GRXCR2: variants seen among roughly 807,000 people sequenced by gnomAD.
GRXCR2 encodes the protein glutaredoxin and cysteine rich domain containing 2.
GRXCR2 carries 23 observed loss-of-function variants against 24.8 expected under a neutral mutation model. That is an observed-to-expected ratio of 0.93 (90% confidence interval 0.67 to 1.32). GRXCR2 has a LOEUF of 1.32. GRXCR2 is among the 40% of genes most tolerant of loss of function. The pLI, the probability that GRXCR2 is intolerant of heterozygous loss-of-function variation, is 0.00. For synonymous variants in GRXCR2, 130 were observed against 116.1 expected, an observed-to-expected ratio of 1.12 and a Z score of -0.77; for missense variants, 315 against 303.4, an observed-to-expected ratio of 1.04 and a Z score of -0.28.
intron 2 of GRXCR2, among the ~76,000 whole-genome samples, chr5:145,925,098 T>C (rs1757372767): frequency 6.6e-6 from 1 of 152,198 alleles, no homozygotes; most frequent in Non-Finnish European, 1.5e-5. Context: ...GTGCTCACAA[T>C]AATCCTATGG....
At chr5:145,883,330 A>G (rs1756731328) in intron 2 of GRXCR2, among the ~76,000 whole-genome samples, 2 of 152,144 alleles carry the variant, frequency 1.3e-5, no homozygotes, top group Admixed American at 6.5e-5. Flanking sequence ...ATGAGCAAGT[A>G]CTAATTTTAA....
chr5:145,919,500 G>T (rs1757293481), intron 2 of GRXCR2, among the ~76,000 whole-genome samples: 1 of 152,176 alleles, frequency 6.6e-6, no homozygotes, highest in African/African-American at 2.4e-5. Flanking sequence ...CCAGTGCAAT[G>T]CTGAGTCCCA....
Position 145,909,189 on chromosome 5 carries a change from A to G in GRXCR2, c.-70+26512T>C, listed in dbSNP as rs1057036820. Among the ~76,000 whole-genome samples the G allele has an allele frequency of 3.3e-5, 5 of 152,222 alleles. No individual in the cohort carries two copies. The East Asian group carries it at 9.6e-4, about 29-fold the overall frequency. On this transcript the variant is annotated intron_variant, in intron 2 of 3. Coordinates refer to the GRXCR2 transcript ENST00000639411. ...ACAACTATTGGCATTTATTGCTATTATATGTAATTCATAACAGGCTATGAG... is the reference window on the plus strand; with the variant it reads ...ACAACTATTGGCATTTATTGCTATTGTATGTAATTCATAACAGGCTATGAG...
chr5:145,861,861 C>G (rs1046481059), intron 2 of GRXCR2, among the ~76,000 whole-genome samples: 73 of 152,256 alleles, frequency 4.8e-4, no homozygotes, highest in African/African-American at 1.5e-3. Flanking sequence ...ATAGCTCCAT[C>G]ATGCTGCAAA....
intron 2 of GRXCR2, among the ~76,000 whole-genome samples, chr5:145,885,888 A>G (rs963500598): frequency 6.6e-6 from 1 of 152,160 alleles, no homozygotes; most frequent in Non-Finnish European, 1.5e-5. Flanking sequence ...GGCATGTTCT[A>G]CATAAGAAAA....
At chr5:145,880,981 A>G (rs1561680960) in intron 2 of GRXCR2, among the ~76,000 whole-genome samples, 1 of 152,174 alleles carries the variant, frequency 6.6e-6, no homozygotes, top group Non-Finnish European at 1.5e-5. Context: ...ATTCAACAGC[A>G]CTTCATGCTA....
At chr5:145,875,140 T>C (rs1201411940), upstream of GRXCR2, among the ~76,000 whole-genome samples, 2 of 152,206 alleles carry the variant, frequency 1.3e-5, no homozygotes, top group Non-Finnish European at 2.9e-5. Context: ...TCCCAGTGTT[T>C]ATCAAAGTGC....
At position 145,892,653 on chromosome 5, in the gene GRXCR2, T is replaced by A. The variant is rs1385851665; in HGVS notation, c.-69-25925A>T. On this transcript the variant is annotated intron_variant, in intron 2 of 3. Transcript: ENST00000639411. Reference sequence around the variant, plus strand: ...TATGTAAAAAGACCAAATCTACGTCTGACTGGTGTACCTGAAAGTGATGGG... The same window carrying A: ...TATGTAAAAAGACCAAATCTACGTCAGACTGGTGTACCTGAAAGTGATGGG... Among the ~76,000 whole-genome samples, 5 of 152,230 alleles carry A rather than the reference T, an allele frequency of 3.3e-5. No individual in the cohort carries two copies. In the East Asian group the frequency reaches 9.6e-4, roughly 29 times the overall value.
At chr5:145,886,873 T>C (rs759228990) in intron 2 of GRXCR2, among the ~76,000 whole-genome samples, 12 of 152,214 alleles carry the variant, frequency 7.9e-5, no homozygotes, top group Admixed American at 2.0e-4. Context: ...TAGGTTCTTT[T>C]TTTCCTACTA....
At chr5:145,927,962 G>C (rs1431207623) in intron 2 of GRXCR2, among the ~76,000 whole-genome samples, 1 of 152,074 alleles carries the variant, frequency 6.6e-6, no homozygotes, top group Non-Finnish European at 1.5e-5. Context: ...AGAGTAAACA[G>C]GCAACCTACA....
intron 2 of GRXCR2, among the ~76,000 whole-genome samples, chr5:145,862,901 T>C (rs1756364617): frequency 6.6e-6 from 1 of 152,196 alleles, no homozygotes; most frequent in Non-Finnish European, 1.5e-5. Flanking sequence ...GCATGGAGCA[T>C]TGGTCATGGT....
chr5:145,864,330 T>C (rs1756390774), intron 2 of GRXCR2, among the ~76,000 whole-genome samples: 1 of 152,104 alleles, frequency 6.6e-6, no homozygotes, highest in Non-Finnish European at 1.5e-5. Context: ...TAAGAGATGA[T>C]GCTGGAGGGG....
intron 2 of GRXCR2, among the ~76,000 whole-genome samples, chr5:145,909,777 C>T (rs1757139564): frequency 6.6e-6 from 1 of 152,206 alleles, no homozygotes; most frequent in Non-Finnish European, 1.5e-5. Context: ...TTTTACTTCT[C>T]TTATAAATCC....
chr5:145,919,811 A>G (rs527653314), intron 2 of GRXCR2, among the ~76,000 whole-genome samples: 22 of 152,302 alleles, frequency 1.4e-4, no homozygotes, highest in African/African-American at 4.1e-4. Flanking sequence ...CAAAGAAGAC[A>G]ACAGAGAAGA....
intron 2 of GRXCR2, among the ~76,000 whole-genome samples, chr5:145,924,079 G>A (rs1757360480): frequency 6.6e-6 from 1 of 152,066 alleles, no homozygotes; most frequent in Non-Finnish European, 1.5e-5. Context: ...GGCAAGGAAT[G>A]GTTGAGTTTG....
Position 145,888,617 on chromosome 5 carries a change from T to G in GRXCR2, c.-69-21889A>C, listed in dbSNP as rs541671914. ...ATATAAAAGTAATACACGAATACAGTGTTTTGTATAAATTCAAAAACTAGA... is the reference window on the plus strand; with the variant it reads ...ATATAAAAGTAATACACGAATACAGGGTTTTGTATAAATTCAAAAACTAGA... On this transcript the variant is annotated intron_variant, in intron 2 of 3. Transcript: ENST00000639411. Among the ~76,000 whole-genome samples, 4 of 152,246 alleles carry G rather than the reference T, an allele frequency of 2.6e-5. 1 individual carries two copies. The highest frequency in any genetic ancestry group is 9.6e-5 in the African/African-American group (4 of 41,558).
chr5:145,860,044 A>G, intron 2 of GRXCR2, 129 bp from the exon 3 acceptor site: 1 of 695,582 alleles, frequency 1.4e-6, no homozygotes, highest in Non-Finnish European at 2.3e-6. Flanking sequence ...CACGAATGTC[A>G]GTGAGAGAAT....
chr5:145,891,083 CA>C (rs1303073494), intron 2 of GRXCR2, among the ~76,000 whole-genome samples: 2 of 152,140 alleles, frequency 1.3e-5, no homozygotes, highest in African/African-American at 4.8e-5. Flanking sequence ...TAAATATATA[CA>C]CACCCAACAT....
intron 1 of GRXCR2, among the ~76,000 whole-genome samples, chr5:145,869,869 G>T (rs923944060): frequency 5.3e-5 from 8 of 152,060 alleles, no homozygotes; most frequent in African/African-American, 1.9e-4. Context: ...AGCTTCTTAT[G>T]TGTTATCTTT....
Sources: gnomAD v4.1 joint callset for allele counts (sites outside exome capture counted in the v4.1 genomes callset) on GRCh38, gnomAD v4.1.1 for gene constraint, MANE v1.5 for transcripts, NCBI Gene and HGNC (gene_info 2026-07-23, HGNC 2026-07-21) for gene names.